DIAPH1: variants seen among roughly 807,000 people sequenced by gnomAD.
DIAPH1 encodes the protein diaphanous related formin 1, also known as protein diaphanous homolog 1.
DIAPH1 carries 46 observed loss-of-function variants against 140.7 expected under a neutral mutation model. The ratio of observed to expected loss-of-function variants is 0.33; its 90% CI spans 0.26 to 0.42. The LOEUF is 0.42. Ranked by LOEUF, DIAPH1 falls within the 10% of genes least tolerant of loss-of-function variation. DIAPH1 has a pLI of 1.00. For missense variants in DIAPH1, 1,310 were observed against 1,558.7 expected, an observed-to-expected ratio of 0.84 and a Z score of 2.69; for synonymous variants, 565 against 551.6, an observed-to-expected ratio of 1.02 and a Z score of -0.34.
chr5:141,553,734 A>C (rs1043364518), intron 18 of DIAPH1, among the ~76,000 whole-genome samples: 9 of 152,206 alleles, frequency 5.9e-5, no homozygotes, highest in Admixed American at 1.3e-4. Context: ...TATTTAAAAA[A>C]ATTAGAATAA....
intron 1 of DIAPH1, among the ~76,000 whole-genome samples, chr5:141,595,826 T>TCTCTATA (rs1208017584): frequency 6.6e-6 from 1 of 152,078 alleles, no homozygotes; most frequent in African/African-American, 2.4e-5. Flanking sequence ...ATATTGGAAA[T>TCTCTATA]CTCTATACCT....
intron 1 of DIAPH1, among the ~76,000 whole-genome samples, chr5:141,603,846 G>A (rs866187179): frequency 5.3e-4 from 81 of 152,134 alleles, no homozygotes; most frequent in African/African-American, 1.8e-3. Flanking sequence ...CTTGGGGAAA[G>A]GGAAAAAGTA....
rs187646845 is a variant in DIAPH1, at chr5:141,571,506, T to A, written c.2474-70A>T. On this transcript the variant is annotated intron_variant, in intron 17 of 27. Coordinates refer to ENST00000389054, the MANE Select transcript of DIAPH1 (RefSeq NM_005219.5). ...AAAGAAATGGAAGGAAGAAAAGGAA[T>A]CACATATGGTTCTTGTTACTGTAGA... 4.0e-4 allele frequency: 538 copies of A among 1,343,644 alleles called. 3 individuals carry two copies. In the African/African-American group the frequency reaches 6.5e-3, roughly 16 times the overall value. 83.2% of individuals were successfully genotyped at this position (1,343,644 alleles called of 1,614,324 possible). A position where few individuals can be genotyped will look rare whatever the true frequency, so the allele number is the denominator to read the frequency against.
intron 18 of DIAPH1, among the ~76,000 whole-genome samples, chr5:141,562,669 G>C (rs1302982035): frequency 6.6e-6 from 1 of 151,662 alleles, no homozygotes; most frequent in African/African-American, 2.4e-5. Context: ...AGCCCCAGAG[G>C]AAACATTCTG....
intron 18 of DIAPH1, among the ~76,000 whole-genome samples, chr5:141,566,835 C>A (rs1326776874): frequency 6.6e-6 from 1 of 152,108 alleles, no homozygotes; most frequent in Non-Finnish European, 1.5e-5. Flanking sequence ...GCAGAGGCTA[C>A]AGTGAACTGA....
chr5:141,576,904 A>C (rs767675309), intron 12 of DIAPH1, 33 bp from the exon 13 acceptor site: 2 of 1,268,812 alleles, frequency 1.6e-6, no homozygotes, highest in South Asian at 2.4e-5. Context: ...TCATCAAAGG[A>C]AAATCAAAAT....
At chr5:141,567,614 C>T (rs1213704381) in intron 18 of DIAPH1, among the ~76,000 whole-genome samples, 2 of 152,200 alleles carry the variant, frequency 1.3e-5, no homozygotes, top group Non-Finnish European at 2.9e-5. Context: ...GTAGAGCAGG[C>T]TGAGCTCTCA....
chr5:141,613,804 T>C (rs959913760), intron 1 of DIAPH1, among the ~76,000 whole-genome samples: 2 of 152,226 alleles, frequency 1.3e-5, no homozygotes, highest in African/African-American at 4.8e-5. Context: ...CAGTAAAATA[T>C]GTTCATAGTA....
chr5:141,542,154 C>A (rs1194849979), intron 18 of DIAPH1, among the ~76,000 whole-genome samples: 1 of 152,208 alleles, frequency 6.6e-6, no homozygotes, highest in African/African-American at 2.4e-5. Flanking sequence ...TAACTGTCCA[C>A]CAGGCGCAGT....
In DIAPH1 at chr5:141,576,792, A is replaced by C. The variant is rs1215341919; in HGVS notation, c.1360T>G (p.Cys454Gly). The change falls in exon 13 of 28, where the codon TGC becomes GGC. Residue 454 changes from cysteine (C) to glycine (G), a missense_variant. Physicochemically the swap from Cys to Gly is radical, Grantham distance 159. Around this residue, in one of 3 missense-constraint regions of DIAPH1, gnomAD observed 589 missense variants for 549.3 expected, o/e 1.07. Transcript: ENST00000389054. ...TCAATCTCAATCTGGAGGTGCCGGC[A>C]CTTGAAGTCAGGATCAGCCCCGTTC... ...HKNGADPDFKCRHLQIEIEGL... is the reference protein window; with the variant it reads ...HKNGADPDFKGRHLQIEIEGL... The C allele has an allele frequency of 6.2e-7, 1 of 1,613,900 alleles. No homozygotes were observed.
chr5:141,579,994 G>T (rs1409300686), intron 8 of DIAPH1, among the ~76,000 whole-genome samples: 2 of 151,590 alleles, frequency 1.3e-5, no homozygotes, highest in Admixed American at 1.3e-4. Context: ...CAGCAACAGG[G>T]GAATTGTTAA....
chr5:141,612,474 T>C (rs1208887237), intron 1 of DIAPH1, among the ~76,000 whole-genome samples: 8 of 152,188 alleles, frequency 5.3e-5, no homozygotes, highest in African/African-American at 1.9e-4. Context: ...CTCAGCAATA[T>C]AAAGGATTAA....
intron 1 of DIAPH1, among the ~76,000 whole-genome samples, chr5:141,612,214 GA>G (rs1202997858): frequency 3.3e-5 from 5 of 152,210 alleles, no homozygotes; most frequent in Admixed American, 2.0e-4. Flanking sequence ...AATGTAAAAT[GA>G]AAACAGTTTG....
At chr5:141,577,884 T>C in intron 11 of DIAPH1, 1 of 497,412 alleles carries the variant, frequency 2.0e-6, no homozygotes, top group Non-Finnish European at 3.6e-6. Context: ...TTACTGAAAA[T>C]ATTAACAGGT....
chr5:141,609,138 C>T (rs1400510577), intron 1 of DIAPH1, among the ~76,000 whole-genome samples: 3 of 134,732 alleles, frequency 2.2e-5, no homozygotes, highest in Non-Finnish European at 3.1e-5. Context: ...AAGATTCTTC[C>T]AATGGCTTCA....
chr5:141,576,549 C>T (rs1375397082), intron 13 of DIAPH1, among the ~76,000 whole-genome samples: 1 of 152,208 alleles, frequency 6.6e-6, no homozygotes, highest in African/African-American at 2.4e-5. Flanking sequence ...GGAGTTCCTG[C>T]AAAAGGTGCT....
At chr5:141,604,559 T>TGGGCATGTGTGTGACACACCCAAAGC (rs2099900640) in intron 1 of DIAPH1, among the ~76,000 whole-genome samples, 1 of 152,210 alleles carries the variant, frequency 6.6e-6, no homozygotes, top group South Asian at 2.1e-4. Flanking sequence ...TCCTCAAGGG[T>TGGGCATGTGTGTGACACACCCAAAGC]GGGCATGTGT....
chr5:141,581,087 G>C lies in DIAPH1; in HGVS notation c.685-204C>G, dbSNP rs75470903. 0.011 allele frequency among the ~76,000 whole-genome samples: 1,607 copies of C among 152,256 alleles called. 41 individuals are homozygous for C. Among genetic ancestry groups the C allele is most frequent in the African/African-American group, 0.037 (1,539 of 41,532 alleles). ...GTCAAGCTACAATGAAGTCCTGCTG[G>C]GGTAGAAAGGGTCCTTAATCCAATA... is the stretch of plus-strand genomic sequence containing the variant. On this transcript the variant is annotated intron_variant, in intron 7 of 27. Transcript: ENST00000389054.
At chr5:141,583,329 CAATA>C (rs1036349140) in intron 5 of DIAPH1, 37 bp from the exon 6 acceptor site, 5 of 1,607,080 alleles carry the variant, frequency 3.1e-6, no homozygotes, top group Non-Finnish European at 4.3e-6. Flanking sequence ...AATATCAAAC[CAATA>C]AATACTTATT....
Sources: allele counts gnomAD v4.1 joint callset (sites outside exome capture counted in the v4.1 genomes callset), GRCh38; gene constraint gnomAD v4.1.1; regional missense constraint gnomAD v4.1.1; transcripts MANE v1.5; gene names NCBI Gene and HGNC (gene_info 2026-07-23, HGNC 2026-07-21).